HACE1: variants seen among roughly 807,000 people sequenced by gnomAD.
HACE1 encodes HECT domain and ankyrin repeat containing E3 ubiquitin protein ligase 1.
In HACE1, 73 loss-of-function variants were observed where a neutral mutation model predicts 118.4. The observed-to-expected ratio is 0.62, with a 90% CI of 0.51 to 0.75. The LOEUF (loss-of-function observed/expected upper bound fraction) is 0.75, where lower values mean the gene tolerates loss of function less well. HACE1 is among the 30% of genes least tolerant of loss of function. The pLI is 0.00. For missense variants in HACE1, 749 were observed against 1,102.2 expected (o/e 0.68, Z 4.54); for synonymous variants, 368 against 374.8 (o/e 0.98, Z 0.21).
intron 2 of HACE1, among the ~76,000 whole-genome samples, chr6:104,851,844 AC>A (rs1433573634): frequency 6.6e-6 from 1 of 152,004 alleles, no homozygotes; most frequent in Non-Finnish European, 1.5e-5. Flanking sequence ...AAGTGTAAAG[AC>A]CCCCTCACAA....
At chr6:104,764,040 T>C (rs571275101) in intron 19 of HACE1, among the ~76,000 whole-genome samples, 1 of 152,094 alleles carries the variant, frequency 6.6e-6, no homozygotes, top group Admixed American at 6.5e-5. Flanking sequence ...GAGCAAGATT[T>C]TATCTCAAAC....
At position 104,785,606 on chromosome 6, in the gene HACE1, CTTT is replaced by C. The variant is rs567408961; in HGVS notation, c.1075-290_1075-288del. 1.1e-3 allele frequency: 362 copies of C among 343,908 alleles called. 1 individual carries two copies. Among genetic ancestry groups the C allele is most frequent in the Admixed American group, 2.7e-3 (61 of 22,308 alleles). The allele number at this position is 343,908 out of a possible 1,614,324, so 21.3% of individuals were successfully genotyped here. On this transcript the variant is annotated intron_variant, in intron 11 of 23. Coordinates refer to ENST00000262903, the MANE Select transcript of HACE1 (RefSeq NM_020771.4). ...TAACAAAAAATTCACAATCTTTCTT[CTTT>C]TAATTTTCAAATGTTTAGTTTTAAA...
intron 6 of HACE1, among the ~76,000 whole-genome samples, chr6:104,825,583 A>C (rs763758087): frequency 1.3e-5 from 2 of 152,190 alleles, no homozygotes; most frequent in Non-Finnish European, 2.9e-5. Context: ...ACAACCAATC[A>C]GATGTTTGCA....
intron 6 of HACE1, among the ~76,000 whole-genome samples, chr6:104,828,402 A>AT (rs1562462802): frequency 6.6e-6 from 1 of 152,026 alleles, no homozygotes; most frequent in African/African-American, 2.4e-5. Context: ...CCTTAATTAT[A>AT]TCACCAGTAA....
At chr6:104,744,384 C>T (rs552484672) in intron 21 of HACE1, 128 bp downstream of exon 21, 253 of 803,306 alleles carry the variant, frequency 3.1e-4, no homozygotes, top group Middle Eastern at 2.8e-3. Context: ...TGCACTATTC[C>T]CACAAGAATA....
intron 5 of HACE1, among the ~76,000 whole-genome samples, chr6:104,836,028 T>TA (rs1774496805): frequency 1.3e-5 from 2 of 152,150 alleles, no homozygotes; most frequent in Non-Finnish European, 2.9e-5. Context: ...TGGCAACACA[T>TA]CTCCCATGCA....
At chr6:104,771,637 A>C (rs1490563427) in intron 18 of HACE1, among the ~76,000 whole-genome samples, 1 of 151,600 alleles carries the variant, frequency 6.6e-6, no homozygotes, top group Non-Finnish European at 1.5e-5. Context: ...AACTTCAAAA[A>C]TGCCAATTAT....
At chr6:104,845,583 T>C (rs963716109) in intron 4 of HACE1, among the ~76,000 whole-genome samples, 3 of 150,934 alleles carry the variant, frequency 2.0e-5, no homozygotes, top group Admixed American at 1.3e-4. Flanking sequence ...GTTCACGCCA[T>C]TCTCCTGCCT....
At chr6:104,782,595 C>T (rs1781859021) in intron 14 of HACE1, 1 of 152,078 alleles carries the variant, frequency 6.6e-6, no homozygotes. Flanking sequence ...GTTACTTAAC[C>T]ACTTCAGCTT....
intron 1 of HACE1, among the ~76,000 whole-genome samples, chr6:104,852,787 C>T (rs2114335023): frequency 6.6e-6 from 1 of 152,170 alleles, no homozygotes; most frequent in East Asian, 1.9e-4. Context: ...TTTTATCATA[C>T]TTACATGTAG....
At chr6:104,827,381 A>G (rs1387773669) in intron 6 of HACE1, among the ~76,000 whole-genome samples, 1 of 152,300 alleles carries the variant, frequency 6.6e-6, no homozygotes, top group East Asian at 1.9e-4. Context: ...TAACTTATAC[A>G]CTAAGTAAAA....
chr6:104,736,985 A>C (rs1775914751), intron 22 of HACE1, among the ~76,000 whole-genome samples: 1 of 152,136 alleles, frequency 6.6e-6, no homozygotes, highest in South Asian at 2.1e-4. Flanking sequence ...TAAAAAACAC[A>C]GTTTTTAAAA....
intron 10 of HACE1, among the ~76,000 whole-genome samples, chr6:104,795,258 G>A (rs1293328754): frequency 6.6e-6 from 1 of 152,032 alleles, no homozygotes; most frequent in Non-Finnish European, 1.5e-5. Context: ...ATTAATTAGT[G>A]GTCAAGATTC....
intron 4 of HACE1, among the ~76,000 whole-genome samples, chr6:104,847,922 C>T (rs1300503806): frequency 2.0e-5 from 3 of 151,808 alleles, no homozygotes; most frequent in Non-Finnish European, 4.4e-5. Flanking sequence ...GGCACTCAAG[C>T]GACTGTCATG....
chr6:104,788,410 T>C (rs1018431826), intron 11 of HACE1, among the ~76,000 whole-genome samples: 4 of 152,118 alleles, frequency 2.6e-5, no homozygotes, highest in African/African-American at 9.6e-5. Context: ...TTTCAAAATA[T>C]ACAATCTCGA....
At chr6:104,758,972 TA>T (rs1321063168) in intron 19 of HACE1, among the ~76,000 whole-genome samples, 1 of 151,864 alleles carries the variant, frequency 6.6e-6, no homozygotes, top group Non-Finnish European at 1.5e-5. Context: ...TACATAATGG[TA>T]AAAGGATCAA....
Position 104,729,516 on chromosome 6 carries a change from C to T in HACE1, c.*146G>A. On this transcript the variant is annotated 3_prime_UTR_variant, in exon 24 of 24. Coordinates refer to ENST00000262903, the MANE Select transcript of HACE1 (RefSeq NM_020771.4). ...AAACATAAAAGGGAAAAGAGAGAAA[C>T]AGAAAACCTGATGATCCTTTATAAA... 1.5e-6 allele frequency: 1 copy of T among 663,084 alleles called. No individual in the cohort carries two copies. Among genetic ancestry groups the T allele is most frequent in the Non-Finnish European group, 2.7e-6 (1 of 364,884 alleles). 41.1% of individuals were successfully genotyped at this position (663,084 alleles called of 1,614,324 possible). A position where few individuals can be genotyped will look rare whatever the true frequency, so the allele number is the denominator to read the frequency against.
intron 4 of HACE1, among the ~76,000 whole-genome samples, chr6:104,846,713 C>G (rs1180975219): frequency 1.3e-5 from 2 of 152,210 alleles, no homozygotes; most frequent in Non-Finnish European, 1.5e-5. Flanking sequence ...ACTATGACTT[C>G]TACTTCAGTG....
At position 104,729,498 on chromosome 6, in the gene HACE1, A is replaced by G. The variant is rs1774975825; in HGVS notation, c.*164T>C. 2.2e-5 allele frequency: 14 copies of G among 635,684 alleles called. No homozygotes were observed. The South Asian group carries it at 2.5e-4, about 12-fold the overall frequency. 39.4% of individuals were successfully genotyped at this position (635,684 alleles called of 1,614,324 possible). On this transcript the variant is annotated 3_prime_UTR_variant, in exon 24 of 24. Transcript: ENST00000262903. ...TTGTATCACAAACAGAGAAAACATAAAAGGGAAAAGAGAGAAACAGAAAAC... is the reference window on the plus strand; with the variant it reads ...TTGTATCACAAACAGAGAAAACATAGAAGGGAAAAGAGAGAAACAGAAAAC...
Sources: allele counts gnomAD v4.1 joint callset (sites outside exome capture counted in the v4.1 genomes callset), GRCh38; gene constraint gnomAD v4.1.1; transcripts MANE v1.5; gene names NCBI Gene and HGNC (gene_info 2026-07-23, HGNC 2026-07-21).